Variants in PHF19 observed in about 807,000 individuals in gnomAD.
PHF19 encodes PHD finger protein 19.
Under a neutral mutation model 79.8 loss-of-function variants are expected in PHF19, and 21 were observed. That is an observed-to-expected ratio of 0.26 (90% CI 0.19 to 0.38). PHF19 has a LOEUF of 0.38. PHF19 is among the 10% of genes least tolerant of loss of function. The probability of loss-of-function intolerance (pLI) is 1.00; values close to 1 mark genes in which losing one functional copy is unlikely to be tolerated. For missense variants in PHF19, 445 were observed against 744.2 expected (o/e 0.60, Z 4.68); for synonymous variants, 273 against 296.3 (o/e 0.92, Z 0.81).
chr9:120,871,958 A>G (rs1185955077), intron 3 of PHF19, among the ~76,000 whole-genome samples: 3 of 146,418 alleles, frequency 2.0e-5, no homozygotes, highest in Non-Finnish European at 4.5e-5. Context: ...GAATCACTTG[A>G]ACCTGGGAGG....
At chr9:120,872,193 T>G (rs1355962385) in intron 3 of PHF19, among the ~76,000 whole-genome samples, 1 of 152,118 alleles carries the variant, frequency 6.6e-6, no homozygotes, top group Non-Finnish European at 1.5e-5. Flanking sequence ...TTGAACATGC[T>G]CCCAGGAAGG....
Position 120,857,274 on chromosome 9 carries a change from C to T in PHF19, c.*670G>A, listed in dbSNP as rs111664246. ...CCAAAGCTGACATTGGCAGCCTTCACTCTCAGCCTTAATACCTGGGCCCTG... is the reference window on the plus strand; with the variant it reads ...CCAAAGCTGACATTGGCAGCCTTCATTCTCAGCCTTAATACCTGGGCCCTG... On this transcript the variant is annotated 3_prime_UTR_variant, in exon 15 of 15. Transcript: ENST00000373896. 1 of 152,420 alleles carries T rather than the reference C, an allele frequency of 6.6e-6. No homozygotes were observed. Among genetic ancestry groups the T allele is most frequent in the African/African-American group, 2.4e-5 (1 of 41,526 alleles). The allele number at this position is 152,420 out of a possible 1,614,324, so 9.4% of individuals were successfully genotyped here.
intron 1 of PHF19, chr9:120,876,396 G>C (rs1387291776): frequency 2.0e-5 from 3 of 152,020 alleles, no homozygotes; most frequent in East Asian, 3.9e-4. Flanking sequence ...TCTAGGAGCC[G>C]GCCGGGTCGC....
chr9:120,876,546 G>C (rs970778010), intron 1 of PHF19: 6 of 151,922 alleles, frequency 3.9e-5, no homozygotes, highest in Non-Finnish European at 7.4e-5. Flanking sequence ...CTGTTTGCGG[G>C]TTCCCGTCTG....
Position 120,891,357 on chromosome 9 carries a change from C to A in PHF19, c.42+3431G>T, listed in dbSNP as rs1395812811. 1.3e-5 allele frequency among the ~76,000 whole-genome samples: 2 copies of A among 152,026 alleles called. No homozygotes were observed. Among genetic ancestry groups the A allele is most frequent in the Admixed American group, 1.3e-4 (2 of 15,270 alleles). ...GTCAATATCTAGAGAAGGTATTGGC[C>A]TAGAGAACCTTGCTCAATCTTAAGC... On this transcript the variant is annotated intron_variant, in intron 1 of 14. Transcript: ENST00000616568. This position sits in a 1 kb window ranked among gnomAD's most constrained non-coding sequence, Gnocchi z 4.3.
At chr9:120,887,871 C>T (rs1308480938) in intron 1 of PHF19, among the ~76,000 whole-genome samples, 1 of 152,194 alleles carries the variant, frequency 6.6e-6, no homozygotes, top group African/African-American at 2.4e-5. Flanking sequence ...GTGTATCTCC[C>T]ATTGGTTCTG....
Position 120,869,195 on chromosome 9 carries a change from C to A in PHF19, c.601G>T (p.Gly201Cys). The A allele has an allele frequency of 3.1e-6, 5 of 1,610,244 alleles. No individual in the cohort carries two copies. The highest frequency in any genetic ancestry group is 4.2e-6 in the Non-Finnish European group (5 of 1,178,722). The stretch of plus-strand genomic sequence containing the variant: ...CCCCTGCCTTACTCTCCGGGCCCGC[C>A]GCAGTAGCAGTAGCATTGCTGCTGG... ...TNQQQCYCYC[G>C]GPGEWYLRML... The change falls in exon 6 of 15, where the codon GGC (glycine) becomes TGC (cysteine). Residue 201 changes from glycine to cysteine, a missense_variant. Coordinates refer to ENST00000373896, the MANE Select transcript of PHF19 (RefSeq NM_015651.3). The surrounding 1 kb of genome is among the most constrained non-coding windows in gnomAD (Gnocchi z 5.8).
chr9:120,859,598 TC>T (rs1304002946), intron 14 of PHF19, among the ~76,000 whole-genome samples: 1 of 152,160 alleles, frequency 6.6e-6, no homozygotes, highest in Non-Finnish European at 1.5e-5. Context: ...CACTCCTAAA[TC>T]TTCCACCCTG....
rs2045485182 is a variant in PHF19 at position 120,860,368 on chromosome 9, C to CA, written c.1305-184dup. The CA allele has an allele frequency of 7.0e-6, 4 of 574,032 alleles. No individual in the cohort carries two copies. The highest frequency in any genetic ancestry group is 6.3e-6 in the Non-Finnish European group (2 of 319,280). 35.6% of individuals were successfully genotyped at this position (574,032 alleles called of 1,614,324 possible). ...AGCCACCCTTCAAAGTCCAAGAAGT[C>CA]AAAAAAACCTCCTGGAGCACCCTCC... is the stretch of plus-strand genomic sequence containing the variant. On this transcript the variant is annotated intron_variant, in intron 13 of 14. Transcript: ENST00000373896. The surrounding 1 kb of genome is among the most constrained non-coding windows in gnomAD (Gnocchi z 4.1).
intron 1 of PHF19, among the ~76,000 whole-genome samples, chr9:120,894,104 A>G (rs1348962312): frequency 6.6e-6 from 1 of 152,194 alleles, no homozygotes; most frequent in Non-Finnish European, 1.5e-5. Flanking sequence ...CTGTCACCTC[A>G]TCTGTCAACA....
At chr9:120,876,166 C>G (rs996812737) in intron 1 of PHF19, 18 of 152,698 alleles carry the variant, frequency 1.2e-4, no homozygotes, top group African/African-American at 4.3e-4. Context: ...TCTCGGCTCC[C>G]CAGATGGTGG....
chr9:120,899,225 G>A (rs1343136886), upstream of PHF19, among the ~76,000 whole-genome samples: 3 of 144,146 alleles, frequency 2.1e-5, no homozygotes, highest in Non-Finnish European at 3.0e-5. Context: ...AAGGCCAGGC[G>A]CAGTGGCTCA....
At chr9:120,863,946 G>C (rs1223489620) in intron 10 of PHF19, 103 bp downstream of exon 10, 5 of 922,916 alleles carry the variant, frequency 5.4e-6, no homozygotes, top group African/African-American at 1.6e-5. Context: ...GAGAAGGGGA[G>C]TATCAGAGAG....
At chr9:120,889,858 AAGAG>A (rs1205140703) in intron 1 of PHF19, among the ~76,000 whole-genome samples, 4 of 152,190 alleles carry the variant, frequency 2.6e-5, no homozygotes, top group African/African-American at 4.8e-5. Context: ...ACAAGAAAGA[AAGAG>A]AGGAAGGAAG....
At position 120,862,003 on chromosome 9, in the gene PHF19, A is replaced by G. The variant is rs749242935; in HGVS notation, c.1133T>C (p.Leu378Ser). 5 of 1,612,614 alleles carry G rather than the reference A, an allele frequency of 3.1e-6. No individual in the cohort carries two copies. In the African/African-American group the frequency reaches 5.3e-5, roughly 17 times the overall value. ...CTGCTGCTGGAATTCGTGAGGCAACAAACTGTGGAGACAGAAGAGGGAGAA... is the reference window on the plus strand; with the variant it reads ...CTGCTGCTGGAATTCGTGAGGCAACGAACTGTGGAGACAGAAGAGGGAGAA... ...LRKRGKSKPG[L>S]LPHEFQQQKR... Residue 378 changes from leucine to serine, a missense_variant and splice_region_variant, in exon 12 of 15, where the codon TTG becomes TCG. Physicochemically the swap from Leu to Ser is moderately radical, Grantham distance 145. Transcript: ENST00000373896. This position sits in a 1 kb window ranked among gnomAD's most constrained non-coding sequence, Gnocchi z 4.6.
intron 9 of PHF19, among the ~76,000 whole-genome samples, chr9:120,865,053 A>G (rs530312692): frequency 2.0e-5 from 3 of 152,392 alleles, no homozygotes; most frequent in Admixed American, 2.0e-4. Flanking sequence ...ACTGTAAATG[A>G]AGATGTTATT....
At chr9:120,861,037 G>T in intron 13 of PHF19, 52 bp downstream of exon 13, 2 of 1,050,698 alleles carry the variant, frequency 1.9e-6, no homozygotes, top group Non-Finnish European at 1.5e-6. Flanking sequence ...TTTCTGCTTG[G>T]TTCCCTCCCT....
At chr9:120,889,922 T>C (rs1298611280) in intron 1 of PHF19, among the ~76,000 whole-genome samples, 2 of 152,048 alleles carry the variant, frequency 1.3e-5, no homozygotes, top group Non-Finnish European at 2.9e-5. Context: ...ACTTAGAATC[T>C]GGACTTGGAC....
intron 14 of PHF19, among the ~76,000 whole-genome samples, chr9:120,859,719 T>C (rs559551853): frequency 3.9e-5 from 6 of 152,106 alleles, no homozygotes; most frequent in Non-Finnish European, 7.4e-5. Context: ...GGGAACTCTG[T>C]AGTCCAAGAG....
Sources: allele counts gnomAD v4.1 joint callset (sites outside exome capture counted in the v4.1 genomes callset), GRCh38; gene constraint gnomAD v4.1.1; non-coding constraint Gnocchi (gnomAD v3.1); transcripts MANE v1.5; gene names NCBI Gene and HGNC (gene_info 2026-07-23, HGNC 2026-07-21).